Variants in SNX25 observed in about 807,000 individuals in gnomAD.
SNX25 encodes the protein sorting nexin 25.
SNX25 carries 62 observed loss-of-function variants against 113.7 expected under a neutral mutation model. That is an observed-to-expected ratio of 0.55 (90% CI 0.44 to 0.67). The LOEUF is 0.67. Among genes scored for constraint, SNX25 ranks in the 30% least tolerant of loss-of-function variants. SNX25 has a pLI of 0.00. For missense variants in SNX25, 1,014 were observed against 1,161.0 expected, an observed-to-expected ratio of 0.87 and a Z score of 1.84; for synonymous variants, 421 against 436.2, an observed-to-expected ratio of 0.97 and a Z score of 0.43.
intron 9 of SNX25, among the ~76,000 whole-genome samples, chr4:185,326,020 T>C (rs1173758347): frequency 6.6e-6 from 1 of 152,240 alleles, no homozygotes; most frequent in African/African-American, 2.4e-5. Context: ...ATTGCACTTA[T>C]GCAAATAACT....
downstream of SNX25, among the ~76,000 whole-genome samples, chr4:185,367,858 T>G (rs1379683107): frequency 6.6e-6 from 1 of 152,180 alleles, no homozygotes; most frequent in Non-Finnish European, 1.5e-5. Context: ...TGTGTTTTTC[T>G]TTGTTTCCTG....
chr4:185,335,244 C>T (rs116442617), intron 10 of SNX25, among the ~76,000 whole-genome samples: 1,848 of 151,432 alleles, frequency 0.012, 39 homozygotes, highest in African/African-American at 0.042. Context: ...CACTTGAACC[C>T]GTGAAGTGGA....
At chr4:185,376,225 A>G in the SNX25 span, among the ~76,000 whole-genome samples, 1 of 152,162 alleles carries the variant, frequency 6.6e-6, no homozygotes, top group Non-Finnish European at 1.5e-5. Flanking sequence ...TCCCCTAAGT[A>G]CTAGATAAAA....
chr4:185,364,781 C>G (rs1196133689), downstream of SNX25: 1 of 152,022 alleles, frequency 6.6e-6, no homozygotes, highest in African/African-American at 2.4e-5. Flanking sequence ...AAAATACATT[C>G]AAGGAAGAGA....
intron 9 of SNX25, among the ~76,000 whole-genome samples, chr4:185,327,012 T>A (rs1324853584): frequency 6.6e-6 from 1 of 152,242 alleles, no homozygotes; most frequent in Non-Finnish European, 1.5e-5. Flanking sequence ...GCTTAAACCT[T>A]CATTTTTATT....
At chr4:185,239,347 G>A (rs1342898483) in intron 1 of SNX25, among the ~76,000 whole-genome samples, 2 of 152,100 alleles carry the variant, frequency 1.3e-5, no homozygotes, top group Non-Finnish European at 1.5e-5. Context: ...GCCGGGCGTG[G>A]TGGTGGGCAC....
At position 185,335,563 on chromosome 4, in the gene SNX25, T is replaced by C. The variant is rs570456784; in HGVS notation, c.1914+2804T>C. Among the ~76,000 whole-genome samples, 7 of 152,212 alleles carry C rather than the reference T, an allele frequency of 4.6e-5. No homozygotes were observed. The South Asian group carries it at 1.4e-3, about 31-fold the overall frequency. Reference sequence around the variant, plus strand: ...AGTGGTTTGCTTAACCCTTCTTCTCTCACAGATCTCTGTACCAGCAGTGTA... The same window carrying C: ...AGTGGTTTGCTTAACCCTTCTTCTCCCACAGATCTCTGTACCAGCAGTGTA... On this transcript the variant is annotated intron_variant, in intron 10 of 18. Coordinates refer to ENST00000652585, the MANE Select transcript of SNX25 (RefSeq NM_001378034.2).
At chr4:185,368,514 A>G (rs548568053), downstream of SNX25, among the ~76,000 whole-genome samples, 3 of 152,306 alleles carry the variant, frequency 2.0e-5, no homozygotes, top group East Asian at 5.8e-4. Context: ...CGGTCCAGTG[A>G]ACACCGCTGT....
intron 4 of SNX25, among the ~76,000 whole-genome samples, chr4:185,265,717 G>T (rs1747981095): frequency 6.6e-6 from 1 of 151,764 alleles, no homozygotes; most frequent in Non-Finnish European, 1.5e-5. Context: ...TGACTCTTTT[G>T]TAATAACATT....
At chr4:185,218,250 A>G (rs1010249688) in intron 1 of SNX25, among the ~76,000 whole-genome samples, 1 of 152,120 alleles carries the variant, frequency 6.6e-6, no homozygotes, top group African/African-American at 2.4e-5. Flanking sequence ...AAGCCTGGCT[A>G]ATTTTTGTAT....
chr4:185,360,930 AAT>A (rs3047488), intron 16 of SNX25, among the ~76,000 whole-genome samples: 2,533 of 139,548 alleles, frequency 0.018, 41 homozygotes, highest in South Asian at 0.064. Context: ...AAAAAAAAAT[AAT>A]ATATATATAT....
chr4:185,349,895 G>A (rs1486874212), intron 13 of SNX25, among the ~76,000 whole-genome samples: 1 of 152,212 alleles, frequency 6.6e-6, no homozygotes, highest in Non-Finnish European at 1.5e-5. Context: ...TAAAATGTTA[G>A]AGAGTAGATG....
chr4:185,323,606 C>G lies in SNX25; in HGVS notation c.1555C>G (p.Leu519Val). ...ESKEISVEKSLYKEIQQCLVG... is the reference protein window; with the variant it reads ...ESKEISVEKSVYKEIQQCLVG... ...CAAAGAAATATCTGTGGAAAAATCA[C>G]TTTACAAAGAAATTCAGCAGTGTCT... Residue 519 changes from leucine (L) to valine (V), a missense_variant, in exon 9 of 19, where the codon CTT becomes GTT. Leu to Val is a conservative substitution (Grantham distance 32). Coordinates refer to ENST00000652585, the MANE Select transcript of SNX25 (RefSeq NM_001378034.2). The G allele has an allele frequency of 6.2e-7, 1 of 1,613,304 alleles. No homozygotes were observed. The highest frequency in any genetic ancestry group is 8.5e-7 in the Non-Finnish European group (1 of 1,179,506).
At chr4:185,371,063 A>G (rs1189121717), downstream of SNX25, 3 of 387,104 alleles carry the variant, frequency 7.7e-6, no homozygotes, top group African/African-American at 5.9e-5. Flanking sequence ...CTGGAAAACA[A>G]AGGTATGTTT....
chr4:185,246,084 G>A (rs13102061), intron 1 of SNX25, among the ~76,000 whole-genome samples: 51,224 of 151,980 alleles, frequency 0.34, 10,435 homozygotes, highest in East Asian at 0.55. Context: ...TCAGGAGTTC[G>A]AGACCAGCCT....
At chr4:185,299,587 G>T (rs888996705) in intron 6 of SNX25, among the ~76,000 whole-genome samples, 5 of 152,162 alleles carry the variant, frequency 3.3e-5, no homozygotes, top group African/African-American at 1.2e-4. Flanking sequence ...AGATGATACA[G>T]AGCCACTGAT....
rs190925645 is a variant in SNX25 at position 185,281,334 on chromosome 4, C to T, written c.1092-6678C>T. On this transcript the variant is annotated intron_variant, in intron 5 of 18. Coordinates refer to ENST00000652585, the MANE Select transcript of SNX25 (RefSeq NM_001378034.2). ...ATGAACATTTATTGAACTCTCACTG[C>T]GGGGCAGACTGTGTTTTAAGATTTT... Among the ~76,000 whole-genome samples, 322 of 152,000 alleles carry T rather than the reference C, an allele frequency of 2.1e-3. 4 individuals carry two copies. Among genetic ancestry groups the T allele is most frequent in the Non-Finnish European group, 3.7e-4 (25 of 68,002 alleles).
chr4:185,337,639 T>C (rs937803330), intron 10 of SNX25, among the ~76,000 whole-genome samples: 1 of 152,214 alleles, frequency 6.6e-6, no homozygotes, highest in Non-Finnish European at 1.5e-5. Flanking sequence ...GGTTCTATGC[T>C]AATTCTGTTT....
intron 5 of SNX25, among the ~76,000 whole-genome samples, chr4:185,267,538 G>A (rs541267757): frequency 5.9e-5 from 9 of 151,884 alleles, no homozygotes; most frequent in East Asian, 3.9e-4. Context: ...CAAGACCAGC[G>A]CGGCCAACAT....
Sources: allele counts gnomAD v4.1 joint callset (sites outside exome capture counted in the v4.1 genomes callset), GRCh38; gene constraint gnomAD v4.1.1; transcripts MANE v1.5; gene names NCBI Gene and HGNC (gene_info 2026-07-23, HGNC 2026-07-21).